LINGO2: variants seen among roughly 807,000 people sequenced by gnomAD.
LINGO2 encodes the protein leucine-rich repeat and immunoglobulin-like domain-containing nogo receptor-interacting protein 2.
Under a neutral mutation model 30.6 loss-of-function variants are expected in LINGO2, and 14 were observed. The ratio of observed to expected loss-of-function variants is 0.46; its 90% CI spans 0.30 to 0.72. The LOEUF (loss-of-function observed/expected upper bound fraction) is 0.72, where lower values mean the gene tolerates loss of function less well. Among genes scored for constraint, LINGO2 ranks in the 30% least tolerant of loss-of-function variants. The pLI, the probability that LINGO2 is intolerant of heterozygous loss-of-function variation, is 0.07. For synonymous variants in LINGO2, 317 were observed against 288.5 expected (o/e 1.10, Z -1.00); for missense variants, 729 against 751.7 (o/e 0.97, Z 0.35).
chr9:28,835,805 C>G, the LINGO2 span, among the ~76,000 whole-genome samples: 1 of 152,178 alleles, frequency 6.6e-6, no homozygotes, highest in Non-Finnish European at 1.5e-5. Flanking sequence ...GTTCTCTACT[C>G]CTATGGAGAC....
chr9:28,761,952 C>G, the LINGO2 span, among the ~76,000 whole-genome samples: 2 of 151,866 alleles, frequency 1.3e-5, no homozygotes, highest in Non-Finnish European at 2.9e-5. Flanking sequence ...TCTTAGCACA[C>G]TGCCTACAAT....
the LINGO2 span, among the ~76,000 whole-genome samples, chr9:28,722,522 C>T: frequency 4.6e-5 from 7 of 152,020 alleles, no homozygotes; most frequent in Non-Finnish European, 7.4e-5. Flanking sequence ...TTTCTTTTTA[C>T]TAAGTGACTT....
At chr9:28,098,826 C>G (rs1318055524) in intron 4 of LINGO2, among the ~76,000 whole-genome samples, 1 of 152,040 alleles carries the variant, frequency 6.6e-6, no homozygotes, top group African/African-American at 2.4e-5. Context: ...GGGTCCACAG[C>G]TTATTTGAGA....
At chr9:28,699,797 TGCGGTTGAGATGAGGACTGAGATAAG>T in the LINGO2 span, among the ~76,000 whole-genome samples, 1 of 151,926 alleles carries the variant, frequency 6.6e-6, no homozygotes, top group Admixed American at 6.6e-5. Flanking sequence ...GTCTGTCTTA[TGCGGTTGAGATGAGGACTGAGATAAG>T]CCCTGGTCTC....
the LINGO2 span, among the ~76,000 whole-genome samples, chr9:29,099,392 C>T: frequency 6.6e-6 from 1 of 151,980 alleles, no homozygotes; most frequent in African/African-American, 2.4e-5. Flanking sequence ...GGGATCACAT[C>T]AAGATAAAAA....
chr9:28,039,261 A>G (rs1366475947), intron 4 of LINGO2, among the ~76,000 whole-genome samples: 1 of 152,238 alleles, frequency 6.6e-6, no homozygotes, highest in African/African-American at 2.4e-5. Context: ...TAATTTTAAG[A>G]AATTGGGCTA....
intron 3 of LINGO2, among the ~76,000 whole-genome samples, chr9:28,306,264 T>C (rs971857487): frequency 4.0e-5 from 6 of 151,884 alleles, no homozygotes; most frequent in African/African-American, 1.5e-4. Flanking sequence ...TGTTTAAATA[T>C]TTGTTGAAAT....
At chr9:28,877,877 C>T in the LINGO2 span, among the ~76,000 whole-genome samples, 3 of 152,108 alleles carry the variant, frequency 2.0e-5, no homozygotes, top group Non-Finnish European at 4.4e-5. Flanking sequence ...ATTCTTCCTA[C>T]CAATGAGCAT....
chr9:29,031,732 T>G, the LINGO2 span, among the ~76,000 whole-genome samples: 1 of 152,258 alleles, frequency 6.6e-6, no homozygotes, highest in East Asian at 1.9e-4. Flanking sequence ...TTTTAAAAAC[T>G]GAATAAAGCA....
chr9:28,251,281 A>C (rs889824778), intron 4 of LINGO2, among the ~76,000 whole-genome samples: 35 of 152,152 alleles, frequency 2.3e-4, no homozygotes, highest in African/African-American at 8.4e-4. Flanking sequence ...GTAATCATCA[A>C]AGAAGATAGT....
chr9:28,801,836 T>C, the LINGO2 span, among the ~76,000 whole-genome samples: 1 of 152,224 alleles, frequency 6.6e-6, no homozygotes, highest in East Asian at 1.9e-4. Context: ...ACAATTAAAA[T>C]TAATGCTACA....
intron 1 of LINGO2, among the ~76,000 whole-genome samples, chr9:28,663,415 C>T (rs990925395): frequency 1.3e-5 from 2 of 152,146 alleles, no homozygotes; most frequent in African/African-American, 4.8e-5. Flanking sequence ...AGATGATCCA[C>T]CTGCCTTGGT....
the LINGO2 span, among the ~76,000 whole-genome samples, chr9:28,681,865 CTT>C: frequency 2.6e-5 from 4 of 152,104 alleles, no homozygotes; most frequent in Admixed American, 2.6e-4. Context: ...AATAGGCTCT[CTT>C]AAGTGAAAGC....
the LINGO2 span, among the ~76,000 whole-genome samples, chr9:28,737,762 G>T: frequency 2.0e-5 from 3 of 151,314 alleles, no homozygotes; most frequent in Non-Finnish European, 2.9e-5. Flanking sequence ...TTTTTTCTTG[G>T]GGTTCTCATT....
chr9:28,288,475 A>G (rs965834982), intron 4 of LINGO2, among the ~76,000 whole-genome samples: 2 of 152,060 alleles, frequency 1.3e-5, no homozygotes, highest in Non-Finnish European at 2.9e-5. Flanking sequence ...TTTGCTTGGA[A>G]TATGTCATTA....
chr9:28,297,403 T>C (rs1823963838), intron 3 of LINGO2, among the ~76,000 whole-genome samples: 1 of 152,200 alleles, frequency 6.6e-6, no homozygotes, highest in African/African-American at 2.4e-5. Flanking sequence ...TTTGAGCACC[T>C]CTGTTGTGCC....
At chr9:28,174,277 A>C (rs1828681938) in intron 4 of LINGO2, among the ~76,000 whole-genome samples, 1 of 152,236 alleles carries the variant, frequency 6.6e-6, no homozygotes, top group African/African-American at 2.4e-5. Context: ...AATAAAATAA[A>C]TGTTCTCTTC....
chr9:28,409,242 A>T (rs1822647891), intron 2 of LINGO2, among the ~76,000 whole-genome samples: 1 of 152,134 alleles, frequency 6.6e-6, no homozygotes, highest in South Asian at 2.1e-4. Flanking sequence ...CCGCTACAGG[A>T]TCATTTGCTT....
the LINGO2 span, among the ~76,000 whole-genome samples, chr9:29,158,468 GAC>G: frequency 2.6e-5 from 4 of 152,032 alleles, no homozygotes; most frequent in Non-Finnish European, 5.9e-5. Context: ...GATTTTGGAG[GAC>G]AGACTCTTCA....
Sources: gnomAD v4.1 joint callset for allele counts (sites outside exome capture counted in the v4.1 genomes callset) on GRCh38, gnomAD v4.1.1 for gene constraint, MANE v1.5 for transcripts, NCBI Gene and HGNC (gene_info 2026-07-23, HGNC 2026-07-21) for gene names.